SLC1A3: variants seen among roughly 807,000 people sequenced by gnomAD.
SLC1A3 encodes excitatory amino acid transporter 1.
In SLC1A3, 21 loss-of-function variants were observed where a neutral mutation model predicts 48.1. The ratio of observed to expected loss-of-function variants is 0.44; its 90% CI spans 0.31 to 0.63. The LOEUF is 0.63. Among genes scored for constraint, SLC1A3 ranks in the 20% least tolerant of loss-of-function variants. The pLI, the probability that SLC1A3 is intolerant of heterozygous loss-of-function variation, is 0.08. For synonymous variants in SLC1A3, 239 were observed against 251.4 expected, an observed-to-expected ratio of 0.95 and a Z score of 0.47; for missense variants, 546 against 689.0, an observed-to-expected ratio of 0.79 and a Z score of 2.32.
At chr5:36,614,366 A>G (rs532681897) in intron 2 of SLC1A3, among the ~76,000 whole-genome samples, 1 of 152,156 alleles carries the variant, frequency 6.6e-6, no homozygotes, top group Non-Finnish European at 1.5e-5. Flanking sequence ...GAAGATACTC[A>G]CCTGGTTTTG....
intron 7 of SLC1A3, 28 bp downstream of exon 7, chr5:36,679,888 C>A: frequency 6.6e-7 from 1 of 1,522,534 alleles, no homozygotes; most frequent in Non-Finnish European, 9.1e-7. Flanking sequence ...GAAAATGAGT[C>A]TGAAATGTTA....
At chr5:36,672,870 G>A (rs1402930731) in intron 4 of SLC1A3, among the ~76,000 whole-genome samples, 1 of 152,114 alleles carries the variant, frequency 6.6e-6, no homozygotes, top group Non-Finnish European at 1.5e-5. Context: ...CACCATTTCT[G>A]CATGAACTTT....
At chr5:36,681,707 C>T (rs961721550) in intron 8 of SLC1A3, among the ~76,000 whole-genome samples, 1 of 152,208 alleles carries the variant, frequency 6.6e-6, no homozygotes, top group Non-Finnish European at 1.5e-5. Context: ...AATATAATCC[C>T]TCCTTTTTGC....
At chr5:36,620,674 T>C (rs1304230663) in intron 2 of SLC1A3, among the ~76,000 whole-genome samples, 1 of 152,186 alleles carries the variant, frequency 6.6e-6, no homozygotes, top group Non-Finnish European at 1.5e-5. Flanking sequence ...TGCCAGGAAC[T>C]GTTTGAGGGG....
chr5:36,665,617 C>T (rs540622760), intron 3 of SLC1A3, among the ~76,000 whole-genome samples: 41 of 152,308 alleles, frequency 2.7e-4, no homozygotes, highest in Non-Finnish European at 5.6e-4. Flanking sequence ...ATGCTTACCA[C>T]GTGCTGAACA....
intron 4 of SLC1A3, among the ~76,000 whole-genome samples, chr5:36,672,925 T>C (rs559226227): frequency 6.6e-6 from 1 of 152,338 alleles, no homozygotes; most frequent in African/African-American, 2.4e-5. Flanking sequence ...ATATTACATT[T>C]TCTTTCCCTG....
At chr5:36,600,136 C>A (rs1738792223) in intron 1 of SLC1A3, among the ~76,000 whole-genome samples, 1 of 152,134 alleles carries the variant, frequency 6.6e-6, no homozygotes, top group African/African-American at 2.4e-5. Flanking sequence ...CTTGCCCCAA[C>A]AACTTGGAAT....
At chr5:36,607,661 G>T (rs955143114) in intron 1 of SLC1A3, among the ~76,000 whole-genome samples, 1 of 152,126 alleles carries the variant, frequency 6.6e-6, no homozygotes, top group Non-Finnish European at 1.5e-5. Context: ...GATTTCAGAT[G>T]ATTTATAGAT....
At chr5:36,659,418 CT>C (rs1474916527) in intron 3 of SLC1A3, among the ~76,000 whole-genome samples, 8 of 152,118 alleles carry the variant, frequency 5.3e-5, no homozygotes, top group Non-Finnish European at 7.4e-5. Context: ...GCTAAAAATC[CT>C]TTTTTAAAAG....
At chr5:36,623,977 T>C (rs1579961714) in intron 2 of SLC1A3, among the ~76,000 whole-genome samples, 1 of 152,156 alleles carries the variant, frequency 6.6e-6, no homozygotes, top group African/African-American at 2.4e-5. Context: ...TGTGTTTCCA[T>C]GAAGGCTTTT....
chr5:36,609,574 G>A (rs1386379404), intron 2 of SLC1A3, among the ~76,000 whole-genome samples: 5 of 152,180 alleles, frequency 3.3e-5, no homozygotes, highest in African/African-American at 1.2e-4. Flanking sequence ...AGAAAATTCT[G>A]TAGTGTGTAA....
intron 2 of SLC1A3, chr5:36,609,064 C>T (rs1051703533): frequency 1.6e-5 from 16 of 989,916 alleles, no homozygotes; most frequent in East Asian, 1.1e-4. Flanking sequence ...TGAGTATCAA[C>T]GCTTAGGCAC....
At chr5:36,630,164 G>A (rs1740081790) in intron 3 of SLC1A3, 1 of 156,030 alleles carries the variant, frequency 6.4e-6, no homozygotes, top group Non-Finnish European at 1.4e-5. Flanking sequence ...TTATGCTAGT[G>A]GGAGAAGGGG....
Position 36,686,387 on chromosome 5 carries a change from T to G in SLC1A3, c.*118T>G. On this transcript the variant is annotated 3_prime_UTR_variant, in exon 10 of 10. Coordinates refer to ENST00000265113, the MANE Select transcript of SLC1A3 (RefSeq NM_004172.5). ...CCGTCATCTTCCCTTTCCTCCCTTC[T>G]GATAAGACTGGAAAATAGTCCTCCA... 1 of 841,484 alleles carries G rather than the reference T, an allele frequency of 1.2e-6. No individual in the cohort carries two copies. Among genetic ancestry groups the G allele is most frequent in the Non-Finnish European group, 2.0e-6 (1 of 502,044 alleles). 52.1% of individuals were successfully genotyped at this position (841,484 alleles called of 1,614,324 possible).
At chr5:36,596,905 A>T (rs954672363) in intron 1 of SLC1A3, among the ~76,000 whole-genome samples, 4 of 152,172 alleles carry the variant, frequency 2.6e-5, no homozygotes, top group Non-Finnish European at 5.9e-5. Flanking sequence ...TAATCAGAGC[A>T]CGGATGGGGG....
intron 3 of SLC1A3, among the ~76,000 whole-genome samples, chr5:36,654,812 G>A (rs1741224550): frequency 6.6e-6 from 1 of 152,218 alleles, no homozygotes; most frequent in Non-Finnish European, 1.5e-5. Context: ...TCACAGCACT[G>A]TTAACCATAG....
intron 3 of SLC1A3, among the ~76,000 whole-genome samples, chr5:36,639,825 G>A (rs1740539931): frequency 6.6e-6 from 1 of 152,116 alleles, no homozygotes; most frequent in Non-Finnish European, 1.5e-5. Context: ...ATGAAAGTAC[G>A]CTGCGCATGC....
At chr5:36,654,644 C>T (rs1741217766) in intron 3 of SLC1A3, among the ~76,000 whole-genome samples, 1 of 152,200 alleles carries the variant, frequency 6.6e-6, no homozygotes. Flanking sequence ...ACAGTCTTGA[C>T]CGAGCATCTG....
intron 3 of SLC1A3, among the ~76,000 whole-genome samples, chr5:36,647,252 T>G (rs1740875617): frequency 6.6e-6 from 1 of 152,222 alleles, no homozygotes; most frequent in Non-Finnish European, 1.5e-5. Flanking sequence ...GTCCTGTGAG[T>G]ACTCAACAAA....
Sources: gnomAD v4.1 joint callset for allele counts (sites outside exome capture counted in the v4.1 genomes callset) on GRCh38, gnomAD v4.1.1 for gene constraint, MANE v1.5 for transcripts, NCBI Gene and HGNC (gene_info 2026-07-23, HGNC 2026-07-21) for gene names.